Variants in STK33 observed in about 807,000 individuals in gnomAD.
The protein encoded by STK33 is serine/threonine-protein kinase 33.
In STK33, 52 loss-of-function variants were observed where a neutral mutation model predicts 58.0. The observed-to-expected ratio is 0.90, with a 90% CI of 0.72 to 1.13. STK33 has a LOEUF of 1.13. Ranked by LOEUF, STK33 falls within the 50% of genes most tolerant of loss-of-function variation. The pLI is 0.00. For missense variants in STK33, 630 were observed against 604.2 expected (o/e 1.04, Z -0.45); for synonymous variants, 215 against 200.1 (o/e 1.07, Z -0.63).
At chr11:8,471,557 C>T (rs921577834) in intron 6 of STK33, among the ~76,000 whole-genome samples, 3 of 152,004 alleles carry the variant, frequency 2.0e-5, no homozygotes, top group African/African-American at 4.8e-5. Flanking sequence ...TTAATAGTAG[C>T]TATGTAAGGG....
downstream of STK33, among the ~76,000 whole-genome samples, chr11:8,390,226 T>C (rs1848600867): frequency 6.6e-6 from 1 of 152,192 alleles, no homozygotes; most frequent in Non-Finnish European, 1.5e-5. Context: ...TCACTCAAGT[T>C]GGAATGCGGA....
intron 15 of STK33, among the ~76,000 whole-genome samples, chr11:8,413,035 C>T (rs868492406): frequency 2.2e-4 from 33 of 152,076 alleles, no homozygotes; most frequent in African/African-American, 8.0e-4. Flanking sequence ...TACATAGATC[C>T]ATTCCAAATT....
In STK33 at chr11:8,402,440, G is replaced by A. The variant is rs547309661; in HGVS notation, c.1345-9730C>T. On this transcript the variant is annotated intron_variant, in intron 15 of 15. Transcript: ENST00000687296. ...TGAGAACAGATGGACACAGGAAGGGGAACATCACACACCGGGGCCTGTTGT... is the reference window on the plus strand; with the variant it reads ...TGAGAACAGATGGACACAGGAAGGGAAACATCACACACCGGGGCCTGTTGT... 2.0e-5 allele frequency among the ~76,000 whole-genome samples: 3 copies of A among 152,202 alleles called. No homozygotes were observed. The South Asian group carries it at 6.2e-4, about 32-fold the overall frequency.
chr11:8,430,194 T>C (rs1349873988), intron 14 of STK33, among the ~76,000 whole-genome samples: 4 of 152,308 alleles, frequency 2.6e-5, no homozygotes, highest in Admixed American at 2.0e-4. Flanking sequence ...CTTCTATGGT[T>C]ATAGAAAAAA....
chr11:8,455,689 T>C (rs969152516), intron 9 of STK33, among the ~76,000 whole-genome samples: 3 of 151,568 alleles, frequency 2.0e-5, no homozygotes, highest in South Asian at 2.1e-4. Context: ...CGGGTGCCTA[T>C]AGTCCCAGCT....
the STK33 span, among the ~76,000 whole-genome samples, chr11:8,349,272 A>C: frequency 6.6e-6 from 1 of 152,218 alleles, no homozygotes; most frequent in African/African-American, 2.4e-5. Context: ...GATATCATAT[A>C]AGTGCCATGC....
At chr11:8,536,764 G>C (rs1012976492) in intron 1 of STK33, among the ~76,000 whole-genome samples, 9 of 149,522 alleles carry the variant, frequency 6.0e-5, no homozygotes, top group African/African-American at 2.2e-4. Flanking sequence ...TTTTTTTGTT[G>C]TTGTTTATTT....
At chr11:8,582,855 G>A (rs2030660473) in intron 1 of STK33, among the ~76,000 whole-genome samples, 1 of 152,194 alleles carries the variant, frequency 6.6e-6, no homozygotes, top group African/African-American at 2.4e-5. Context: ...CAGTGGAGAA[G>A]TGGCCACAAC....
At chr11:8,376,032 A>G in the STK33 span, among the ~76,000 whole-genome samples, 2 of 152,226 alleles carry the variant, frequency 1.3e-5, no homozygotes, top group South Asian at 4.1e-4. Context: ...ATTTCCAGAC[A>G]TACAACAGGG....
chr11:8,450,155 C>A (rs12573963), intron 11 of STK33, among the ~76,000 whole-genome samples: 9,216 of 152,162 alleles, frequency 0.061, 527 homozygotes, highest in African/African-American at 0.16. Context: ...TGGAACCAAG[C>A]CAAATGCCCA....
chr11:8,397,587 C>T (rs1849582444), intron 15 of STK33, among the ~76,000 whole-genome samples: 1 of 152,132 alleles, frequency 6.6e-6, no homozygotes, highest in Non-Finnish European at 1.5e-5. Flanking sequence ...AGCTTCTCAC[C>T]AGCAGCAGAA....
intron 14 of STK33, among the ~76,000 whole-genome samples, chr11:8,426,824 T>C (rs1942829955): frequency 6.6e-6 from 1 of 152,122 alleles, no homozygotes; most frequent in African/African-American, 2.4e-5. Context: ...CATATCATTG[T>C]TATTTCAGTT....
intron 11 of STK33, among the ~76,000 whole-genome samples, chr11:8,448,846 A>ATGGG (rs1945872527): frequency 6.6e-6 from 1 of 152,184 alleles, no homozygotes; most frequent in South Asian, 2.1e-4. Context: ...GTGCACAGGC[A>ATGGG]ACCTACGGAA....
At chr11:8,338,964 T>TGCAGGCCCATAAAGAAATGGACC in the STK33 span, among the ~76,000 whole-genome samples, 1 of 152,174 alleles carries the variant, frequency 6.6e-6, no homozygotes, top group East Asian at 1.9e-4. Context: ...CCTGCAAGTG[T>TGCAGGCCCATAAAGAAATGGACC]GCAGGCCCAT....
chr11:8,496,381 G>T (rs571765472), intron 1 of STK33, among the ~76,000 whole-genome samples: 1 of 152,068 alleles, frequency 6.6e-6, no homozygotes, highest in South Asian at 2.1e-4. Context: ...AATTGCTGGT[G>T]CTTCTATGAT....
intron 15 of STK33, among the ~76,000 whole-genome samples, chr11:8,400,791 TG>T (rs1313091866): frequency 6.6e-6 from 1 of 152,184 alleles, no homozygotes; most frequent in Admixed American, 6.5e-5. Context: ...ACAAAATCAA[TG>T]TGCAAAAATC....
intron 14 of STK33, among the ~76,000 whole-genome samples, chr11:8,420,182 TTAGATA>T (rs1941713148): frequency 6.6e-6 from 1 of 152,122 alleles, no homozygotes; most frequent in African/African-American, 2.4e-5. Context: ...GATGTAAGTT[TTAGATA>T]CCCAAAGAGG....
chr11:8,463,189 T>C (rs1947781121), intron 7 of STK33, among the ~76,000 whole-genome samples: 1 of 152,124 alleles, frequency 6.6e-6, no homozygotes, highest in Non-Finnish European at 1.5e-5. Context: ...CCCGACCTTT[T>C]TGGTACCAGG....
At chr11:8,422,181 C>T (rs577399177) in intron 14 of STK33, among the ~76,000 whole-genome samples, 2 of 152,156 alleles carry the variant, frequency 1.3e-5, no homozygotes, top group South Asian at 4.1e-4. Flanking sequence ...ATCATGAATA[C>T]ATGTTGAGTC....
Sources: allele counts gnomAD v4.1 joint callset (sites outside exome capture counted in the v4.1 genomes callset), GRCh38; gene constraint gnomAD v4.1.1; transcripts MANE v1.5; gene names NCBI Gene and HGNC (gene_info 2026-07-23, HGNC 2026-07-21).